Variants in ARHGAP32 observed in about 807,000 individuals in gnomAD.
The protein encoded by ARHGAP32 is rho GTPase-activating protein 32.
ARHGAP32 carries 51 observed loss-of-function variants against 186.5 expected under a neutral mutation model. The observed-to-expected ratio is 0.27, with a 90% CI of 0.22 to 0.35. ARHGAP32 has a LOEUF of 0.35. ARHGAP32 is among the 10% of genes least tolerant of loss of function. ARHGAP32 has a pLI of 1.00. For missense variants in ARHGAP32, 2,186 were observed against 2,623.5 expected (o/e 0.83, Z 3.64); for synonymous variants, 950 against 964.3 (o/e 0.99, Z 0.27).
chr11:128,988,439 C>T (rs1258103620), intron 12 of ARHGAP32, among the ~76,000 whole-genome samples: 3 of 152,170 alleles, frequency 2.0e-5, no homozygotes, highest in African/African-American at 4.8e-5. Flanking sequence ...TACAGTTACA[C>T]ATTACAGCAA....
At chr11:129,194,074 T>C (rs1257453077), upstream of ARHGAP32, among the ~76,000 whole-genome samples, 1 of 151,962 alleles carries the variant, frequency 6.6e-6, no homozygotes, top group Non-Finnish European at 1.5e-5. Context: ...AAAAAATCTA[T>C]CACATAGGCA....
chr11:129,228,126 T>C (rs186812524), intron 1 of ARHGAP32, among the ~76,000 whole-genome samples: 2 of 152,106 alleles, frequency 1.3e-5, no homozygotes, highest in Non-Finnish European at 2.9e-5. Context: ...TCCTAAATAA[T>C]AGGTCAAAAA....
intron 20 of ARHGAP32, among the ~76,000 whole-genome samples, chr11:128,975,423 T>C (rs1021130025): frequency 6.6e-6 from 1 of 152,204 alleles, no homozygotes; most frequent in African/African-American, 2.4e-5. Context: ...AATAGCAAAA[T>C]GGATGTTTTT....
chr11:129,095,273 C>A (rs1941699217), intron 5 of ARHGAP32, among the ~76,000 whole-genome samples: 1 of 152,118 alleles, frequency 6.6e-6, no homozygotes, highest in African/African-American at 2.4e-5. Flanking sequence ...GGCAGAGATA[C>A]AAGAGAAAAA....
intron 1 of ARHGAP32, among the ~76,000 whole-genome samples, chr11:129,240,012 A>C (rs1944993653): frequency 6.6e-6 from 1 of 152,300 alleles, no homozygotes; most frequent in African/African-American, 2.4e-5. Flanking sequence ...TACTATGCGC[A>C]GTGACAAATT....
At position 129,273,878 on chromosome 11, in the gene ARHGAP32, A is replaced by G. The variant is rs558432413; in HGVS notation, c.-5+5268T>C. ...GATGCTTATCTTTTCAAACAGAGACAAATTGGACATAACATTTCCATAATG... is the reference window on the plus strand; with the variant it reads ...GATGCTTATCTTTTCAAACAGAGACGAATTGGACATAACATTTCCATAATG... On this transcript the variant is annotated intron_variant, in intron 1 of 6. Coordinates refer to the ARHGAP32 transcript ENST00000525234. Among the ~76,000 whole-genome samples, 24 of 152,322 alleles carry G rather than the reference A, an allele frequency of 1.6e-4. No homozygotes were observed. In the South Asian group the frequency reaches 4.6e-3, roughly 29 times the overall value.
chr11:129,226,334 A>C (rs905458009), intron 1 of ARHGAP32, among the ~76,000 whole-genome samples: 1 of 152,178 alleles, frequency 6.6e-6, no homozygotes, highest in Non-Finnish European at 1.5e-5. Context: ...CCTACATACC[A>C]TAATCAAACT....
intron 5 of ARHGAP32, among the ~76,000 whole-genome samples, chr11:129,108,499 G>C (rs1224772970): frequency 6.6e-6 from 1 of 152,100 alleles, no homozygotes; most frequent in Non-Finnish European, 1.5e-5. Context: ...CATGACAGAA[G>C]TGAAGGGAGA....
intron 10 of ARHGAP32, among the ~76,000 whole-genome samples, chr11:129,052,520 A>C (rs1940094321): frequency 6.6e-6 from 1 of 152,164 alleles, no homozygotes; most frequent in African/African-American, 2.4e-5. Context: ...CAACCCATAA[A>C]AACAGTATAT....
chr11:129,146,073 T>C (rs1273502664), intron 2 of ARHGAP32, among the ~76,000 whole-genome samples: 1 of 152,116 alleles, frequency 6.6e-6, no homozygotes, highest in Non-Finnish European at 1.5e-5. Context: ...ATGATAAACA[T>C]CACTAGGTCC....
At chr11:129,267,776 T>A (rs536230169) in intron 1 of ARHGAP32, among the ~76,000 whole-genome samples, 2 of 152,356 alleles carry the variant, frequency 1.3e-5, no homozygotes, top group South Asian at 2.1e-4. Context: ...TTCTGCCAGC[T>A]GGAAGGTTAG....
In ARHGAP32 at chr11:129,052,773, G is replaced by C. The variant is rs529969902; in HGVS notation, c.963+9507C>G. Reference sequence around the variant, plus strand: ...AAGTATTTATATTTAAAAACATACTGTGTATTTTAAATACATAAATTACTT... The same window carrying C: ...AAGTATTTATATTTAAAAACATACTCTGTATTTTAAATACATAAATTACTT... On this transcript the variant is annotated intron_variant, in intron 10 of 22. Coordinates refer to ENST00000682385, the MANE Select transcript of ARHGAP32 (RefSeq NM_001378024.1). Among the ~76,000 whole-genome samples, 153 of 152,132 alleles carry C rather than the reference G, an allele frequency of 1.0e-3. 1 individual carries two copies. Among genetic ancestry groups the C allele is most frequent in the Admixed American group, 4.6e-4 (7 of 15,276 alleles).
At chr11:129,129,279 C>T (rs981835446) in intron 2 of ARHGAP32, among the ~76,000 whole-genome samples, 2 of 143,714 alleles carry the variant, frequency 1.4e-5, no homozygotes, top group Non-Finnish European at 3.2e-5. Context: ...GGCAGCTGCC[C>T]CGTCTGGGAA....
At chr11:129,129,194 CCGCACCG>C (rs1175870054) in intron 2 of ARHGAP32, among the ~76,000 whole-genome samples, 9 of 141,598 alleles carry the variant, frequency 6.4e-5, no homozygotes, top group South Asian at 2.2e-4. Flanking sequence ...CGCCCGGCAG[CCGCACCG>C]TCTGGGAAGT....
At chr11:129,075,548 C>A (rs192435854) in intron 6 of ARHGAP32, among the ~76,000 whole-genome samples, 17 of 151,842 alleles carry the variant, frequency 1.1e-4, no homozygotes, top group African/African-American at 4.1e-4. Flanking sequence ...TATTTAACAC[C>A]CTCTATAAGA....
chr11:129,182,357 C>G (rs1439606683), intron 1 of ARHGAP32, among the ~76,000 whole-genome samples: 2 of 151,922 alleles, frequency 1.3e-5, no homozygotes, highest in Non-Finnish European at 2.9e-5. Flanking sequence ...TTTTCTTAAC[C>G]ATTTTTAGTT....
In ARHGAP32 at chr11:128,980,752, C is replaced by CA. The variant is rs1408111521; in HGVS notation, c.1781-5dup. On this transcript the variant is annotated splice_polypyrimidine_tract_variant and splice_region_variant and intron_variant, in intron 17 of 22. Coordinates refer to ENST00000682385, the MANE Select transcript of ARHGAP32 (RefSeq NM_001378024.1). ...GACTTGGGCCTTGATAGAGAAGCTT[C>CA]AAAAAGAAAAGGAAGCTGATGAAGA... The CA allele has an allele frequency of 6.3e-7, 1 of 1,593,332 alleles. No individual in the cohort carries two copies. The highest frequency in any genetic ancestry group is 8.5e-7 in the Non-Finnish European group (1 of 1,171,752).
chr11:129,192,064 C>T lies in ARHGAP32; in HGVS notation c.116+19G>A. 6.3e-7 allele frequency: 1 copy of T among 1,578,408 alleles called. No individual in the cohort carries two copies. ...GTAGGGAGTGGACAGGACAAAGGAACTGTGAATTCCATAATCACCTGAACT... is the reference window on the plus strand; with the variant it reads ...GTAGGGAGTGGACAGGACAAAGGAATTGTGAATTCCATAATCACCTGAACT... On this transcript the variant is annotated intron_variant, in intron 1 of 22. Coordinates refer to ENST00000682385, the MANE Select transcript of ARHGAP32 (RefSeq NM_001378024.1).
intron 1 of ARHGAP32, 72 bp from the exon 2 acceptor site, chr11:129,164,499 G>C (rs1024903902): frequency 4.8e-6 from 4 of 839,600 alleles, no homozygotes; most frequent in Admixed American, 2.8e-5. Context: ...GATCACAATT[G>C]AAAGAGCAGA....
Sources: allele counts gnomAD v4.1 joint callset (sites outside exome capture counted in the v4.1 genomes callset), GRCh38; gene constraint gnomAD v4.1.1; transcripts MANE v1.5; gene names NCBI Gene and HGNC (gene_info 2026-07-23, HGNC 2026-07-21).